The following CFAP300 variants were observed in gnomAD, a reference collection of about 807,000 sequenced individuals.
CFAP300 encodes cilia and flagella associated protein 300.
CFAP300 carries 32 observed loss-of-function variants against 33.0 expected under a neutral mutation model. The ratio of observed to expected loss-of-function variants is 0.97; its 90% CI spans 0.73 to 1.30. CFAP300 has a LOEUF of 1.30. Ranked by LOEUF, CFAP300 falls within the 50% of genes most tolerant of loss-of-function variation. The pLI is 0.00. For synonymous variants in CFAP300, 102 were observed against 106.8 expected, an observed-to-expected ratio of 0.95 and a Z score of 0.28; for missense variants, 356 against 318.1, an observed-to-expected ratio of 1.12 and a Z score of -0.90.
At chr11:102,049,913 G>A (rs995746289) in intron 2 of CFAP300, among the ~76,000 whole-genome samples, 2 of 152,026 alleles carry the variant, frequency 1.3e-5, no homozygotes, top group East Asian at 1.9e-4. Context: ...CACTTTGGGA[G>A]GCTGAGGCAG....
chr11:102,071,515 C>G (rs1283864551), intron 4 of CFAP300, among the ~76,000 whole-genome samples: 2 of 151,930 alleles, frequency 1.3e-5, no homozygotes, highest in African/African-American at 4.8e-5. Context: ...TCTTTTGTTC[C>G]TTTTTCTATT....
At position 102,064,693 on chromosome 11, in the gene CFAP300, G is replaced by A. The variant is rs530924247; in HGVS notation, c.269-1792G>A. ...TATCCAGGGTAGGGATACACCGAGG[G>A]CCACCACACCTAGGTCTACAATCTT... is the stretch of plus-strand genomic sequence containing the variant. On this transcript the variant is annotated intron_variant, in intron 3 of 6. Coordinates refer to ENST00000434758, the MANE Select transcript of CFAP300 (RefSeq NM_032930.3). 1.5e-3 allele frequency among the ~76,000 whole-genome samples: 229 copies of A among 152,256 alleles called. 1 individual carries two copies. The highest frequency in any genetic ancestry group is 4.0e-3 in the Admixed American group (61 of 15,290).
intron 1 of CFAP300, 111 bp from the exon 2 acceptor site, chr11:102,047,704 G>T: frequency 6.8e-7 from 1 of 1,469,256 alleles, no homozygotes; most frequent in Middle Eastern, 2.1e-4. Flanking sequence ...GGCTTCCTGA[G>T]TGAACCCCGA....
chr11:102,082,694 T>C lies in CFAP300; in HGVS notation c.676-377T>C, dbSNP rs192152894. Among the ~76,000 whole-genome samples the C allele has an allele frequency of 1.4e-3, 217 of 152,290 alleles. 2 individuals carry two copies. Among genetic ancestry groups the C allele is most frequent in the African/African-American group, 5.0e-3 (207 of 41,554 alleles). On this transcript the variant is annotated intron_variant, in intron 6 of 6. Coordinates refer to ENST00000434758, the MANE Select transcript of CFAP300 (RefSeq NM_032930.3). ...ATATTGATTATCACTTAAATGTAGT[T>C]GTATACTAACTAATTTAGGATTGGC...
At chr11:102,065,533 G>A (rs985250807) in intron 3 of CFAP300, among the ~76,000 whole-genome samples, 2 of 151,988 alleles carry the variant, frequency 1.3e-5, no homozygotes, top group African/African-American at 2.4e-5. Flanking sequence ...TTGGGAAGCC[G>A]AGGCGGGCGG....
chr11:102,066,635 C>T lies in CFAP300; in HGVS notation c.419C>T (p.Ser140Phe). ...LDSFCDPFLI[S>F]DELRRVLLVE... ...TCTTTTTGTGATCCATTTCTCATTT[C>T]TGATGAGTTACGAAGAGTAAGTACA... The change falls in exon 4 of 7, where the codon TCT (serine) becomes TTT (phenylalanine). Residue 140 changes from serine to phenylalanine, a missense_variant. Ser to Phe is a radical substitution (Grantham distance 155, BLOSUM62 -2). Transcript: ENST00000434758. 1 of 1,605,868 alleles carries T rather than the reference C, an allele frequency of 6.2e-7. No homozygotes were observed. Among genetic ancestry groups the T allele is most frequent in the East Asian group, 2.3e-5 (1 of 44,428 alleles).
At chr11:102,059,262 A>C (rs1942105274) in intron 3 of CFAP300, among the ~76,000 whole-genome samples, 1 of 151,422 alleles carries the variant, frequency 6.6e-6, no homozygotes, top group Non-Finnish European at 1.5e-5. Flanking sequence ...CCTGTACTAA[A>C]TGAACTTGAT....
intron 4 of CFAP300, among the ~76,000 whole-genome samples, chr11:102,074,289 C>G (rs1335927323): frequency 6.6e-6 from 1 of 152,134 alleles, no homozygotes; most frequent in Non-Finnish European, 1.5e-5. Context: ...AGGCAGCTGC[C>G]TATTACTAGT....
At chr11:102,062,423 T>A (rs2135028477) in intron 3 of CFAP300, among the ~76,000 whole-genome samples, 1 of 152,306 alleles carries the variant, frequency 6.6e-6, no homozygotes, top group Middle Eastern at 3.4e-3. Context: ...ATACGGACAC[T>A]ATGGGCAATT....
At chr11:102,064,325 C>T (rs1372538056) in intron 3 of CFAP300, among the ~76,000 whole-genome samples, 4 of 152,190 alleles carry the variant, frequency 2.6e-5, no homozygotes, top group African/African-American at 4.8e-5. Flanking sequence ...CAGAAACTAT[C>T]GGGCTCTACA....
In CFAP300 at chr11:102,080,503, C is replaced by T. The variant is rs191847404; in HGVS notation, c.609-712C>T. 2.6e-3 allele frequency among the ~76,000 whole-genome samples: 401 copies of T among 152,090 alleles called. 2 individuals carry two copies. Among genetic ancestry groups the T allele is most frequent in the African/African-American group, 9.5e-3 (394 of 41,470 alleles). On this transcript the variant is annotated intron_variant, in intron 5 of 6. Transcript: ENST00000434758. ...TGCAATCTTGGCTCATCGCAACCTC[C>T]GCCTCCCAGGTTCAAGCGATTCTTC...
At chr11:102,052,795 A>G (rs1180346135) in intron 2 of CFAP300, among the ~76,000 whole-genome samples, 1 of 152,216 alleles carries the variant, frequency 6.6e-6, no homozygotes, top group Admixed American at 6.5e-5. Context: ...TGATGAGGAC[A>G]TCAGCTCTTC....
chr11:102,055,573 G>A (rs1942040927), intron 2 of CFAP300, among the ~76,000 whole-genome samples: 1 of 150,494 alleles, frequency 6.6e-6, no homozygotes, highest in African/African-American at 2.4e-5. Context: ...TGCTCAGGCT[G>A]GTCTCGAACT....
chr11:102,056,509 G>A (rs1292333631), intron 2 of CFAP300, among the ~76,000 whole-genome samples: 1 of 152,046 alleles, frequency 6.6e-6, no homozygotes, highest in Non-Finnish European at 1.5e-5. Context: ...GATAAAAGTG[G>A]TATCTTCTGG....
chr11:102,060,810 T>A (rs1465683597), intron 3 of CFAP300, among the ~76,000 whole-genome samples: 6 of 152,186 alleles, frequency 3.9e-5, no homozygotes, highest in Non-Finnish European at 1.5e-5. Context: ...CAGTTCATGA[T>A]GTTAGACTTA....
intron 3 of CFAP300, among the ~76,000 whole-genome samples, chr11:102,060,323 G>A (rs1434059598): frequency 2.7e-5 from 4 of 150,522 alleles, no homozygotes; most frequent in African/African-American, 9.8e-5. Context: ...CGCCATGTTG[G>A]CCAGGCTGGT....
At chr11:102,071,296 T>A (rs183909940) in intron 4 of CFAP300, among the ~76,000 whole-genome samples, 1 of 152,290 alleles carries the variant, frequency 6.6e-6, no homozygotes, top group East Asian at 1.9e-4. Context: ...AGTTTCTTAG[T>A]CCCTTTTTAC....
chr11:102,081,567 G>T, intron 6 of CFAP300: 2 of 455,384 alleles, frequency 4.4e-6, no homozygotes, highest in South Asian at 9.8e-5. Context: ...CTCTTAGTCT[G>T]TCAAACCATC....
At chr11:102,053,875 G>A (rs1210741741) in intron 2 of CFAP300, among the ~76,000 whole-genome samples, 1 of 152,156 alleles carries the variant, frequency 6.6e-6, no homozygotes, top group African/African-American at 2.4e-5. Context: ...TGCTGCTTCT[G>A]GGTCACACCA....
Sources: gnomAD v4.1 joint callset for allele counts (sites outside exome capture counted in the v4.1 genomes callset) on GRCh38, gnomAD v4.1.1 for gene constraint, MANE v1.5 for transcripts, NCBI Gene and HGNC (gene_info 2026-07-23, HGNC 2026-07-21) for gene names.